GSK3B: variants seen among roughly 807,000 people sequenced by gnomAD.
The protein encoded by GSK3B is glycogen synthase kinase-3 beta.
Under a neutral mutation model 56.4 loss-of-function variants are expected in GSK3B, and 15 were observed. That is an observed-to-expected ratio of 0.27 (90% CI 0.18 to 0.41). GSK3B has a LOEUF of 0.41. Among genes scored for constraint, GSK3B ranks in the 10% least tolerant of loss-of-function variants. The pLI is 1.00. For missense variants in GSK3B, 300 were observed against 513.4 expected (o/e 0.58, Z 4.02); for synonymous variants, 181 against 188.9 (o/e 0.96, Z 0.34).
chr3:119,826,905 A>G (rs201249551), intron 10 of GSK3B, 50 bp from the exon 11 acceptor site: 25 of 1,107,562 alleles, frequency 2.3e-5, no homozygotes, highest in Non-Finnish European at 3.0e-5. Flanking sequence ...CTATAACAAC[A>G]AAAGAGAACA....
chr3:120,022,427 A>T (rs1190519801), intron 1 of GSK3B, among the ~76,000 whole-genome samples: 1 of 152,216 alleles, frequency 6.6e-6, no homozygotes, highest in East Asian at 1.9e-4. Context: ...CAATATTGTC[A>T]AGGTATGCAC....
chr3:120,045,872 A>G (rs1449700412), intron 1 of GSK3B, among the ~76,000 whole-genome samples: 1 of 152,248 alleles, frequency 6.6e-6, no homozygotes, highest in Non-Finnish European at 1.5e-5. Flanking sequence ...ATTGTGGTAT[A>G]TCCATACAAT....
intron 2 of GSK3B, among the ~76,000 whole-genome samples, chr3:119,953,153 G>A (rs142307992): frequency 0.017 from 2,578 of 152,170 alleles, 130 homozygotes; most frequent in Admixed American, 0.11. Flanking sequence ...GTGATAAATT[G>A]GAATGTAAAC....
chr3:119,948,677 G>A (rs190813509), intron 2 of GSK3B, among the ~76,000 whole-genome samples: 1 of 152,044 alleles, frequency 6.6e-6, no homozygotes, highest in Non-Finnish European at 1.5e-5. Flanking sequence ...AGCTATTTCT[G>A]GAAGTATTTC....
intron 8 of GSK3B, among the ~76,000 whole-genome samples, chr3:119,870,295 A>G (rs1056190758): frequency 6.6e-5 from 10 of 152,240 alleles, no homozygotes; most frequent in African/African-American, 2.2e-4. Context: ...ACTTGCTTCA[A>G]CTAAGCTTTT....
chr3:120,061,721 G>C (rs1265719962), intron 1 of GSK3B, among the ~76,000 whole-genome samples: 2 of 150,314 alleles, frequency 1.3e-5, no homozygotes, highest in African/African-American at 2.4e-5. Context: ...AAGAATATAT[G>C]AATTTATTTA....
intron 2 of GSK3B, among the ~76,000 whole-genome samples, chr3:119,990,657 G>A (rs1453990432): frequency 2.6e-5 from 4 of 152,150 alleles, no homozygotes; most frequent in African/African-American, 4.8e-5. Context: ...AGCCAAGCGC[G>A]GTGGCCCACA....
chr3:119,932,519 T>A (rs192775099), intron 3 of GSK3B, among the ~76,000 whole-genome samples: 1 of 151,456 alleles, frequency 6.6e-6, no homozygotes, highest in Non-Finnish European at 1.5e-5. Context: ...TTTTTTTTTT[T>A]AGAAAAATAA....
chr3:119,907,819 AT>A (rs2056698018), intron 6 of GSK3B, among the ~76,000 whole-genome samples: 1 of 152,278 alleles, frequency 6.6e-6, no homozygotes, highest in East Asian at 1.9e-4. Context: ...GCCTGGAATC[AT>A]TCTCAATTCC....
chr3:119,857,157 G>A (rs1036571712), intron 9 of GSK3B, among the ~76,000 whole-genome samples: 4 of 152,118 alleles, frequency 2.6e-5, no homozygotes, highest in Non-Finnish European at 4.4e-5. Context: ...CCTTTATGTC[G>A]ATGGCTGCTG....
intron 1 of GSK3B, among the ~76,000 whole-genome samples, chr3:120,061,278 C>T (rs892773124): frequency 6.6e-6 from 1 of 152,126 alleles, no homozygotes; most frequent in African/African-American, 2.4e-5. Flanking sequence ...TACATGTTTA[C>T]TGTAGAAAAA....
At chr3:119,833,678 A>G (rs886486825) in intron 10 of GSK3B, among the ~76,000 whole-genome samples, 1 of 150,338 alleles carries the variant, frequency 6.7e-6, no homozygotes, top group Non-Finnish European at 1.5e-5. Context: ...GTACACTTGG[A>G]AACATTAGGT....
chr3:119,891,951 C>T (rs1363841043), intron 7 of GSK3B, among the ~76,000 whole-genome samples: 2 of 152,112 alleles, frequency 1.3e-5, no homozygotes, highest in African/African-American at 4.8e-5. Flanking sequence ...CCTGGCCCTA[C>T]CTAGTTAGAA....
At chr3:119,844,557 C>T (rs963807782) in intron 9 of GSK3B, among the ~76,000 whole-genome samples, 22 of 152,094 alleles carry the variant, frequency 1.4e-4, no homozygotes, top group African/African-American at 3.1e-4. Flanking sequence ...AACAGCTCTA[C>T]GCAAATAAAC....
chr3:119,924,791 A>G (rs748582145), intron 3 of GSK3B, among the ~76,000 whole-genome samples: 1 of 152,230 alleles, frequency 6.6e-6, no homozygotes, highest in Non-Finnish European at 1.5e-5. Flanking sequence ...GAACAGAGCT[A>G]TGCCTATTCA....
intron 1 of GSK3B, among the ~76,000 whole-genome samples, chr3:120,037,518 G>A (rs1261840549): frequency 2.6e-5 from 4 of 152,116 alleles, no homozygotes; most frequent in African/African-American, 9.7e-5. Flanking sequence ...TATTAAGCAA[G>A]CCGGTAGTGT....
intron 10 of GSK3B, among the ~76,000 whole-genome samples, chr3:119,840,330 T>C (rs2055754155): frequency 6.6e-6 from 1 of 151,982 alleles, no homozygotes; most frequent in South Asian, 2.1e-4. Flanking sequence ...GTTCAAGCAA[T>C]TCTCTTGCCT....
At chr3:120,047,039 A>G (rs2058109606) in intron 1 of GSK3B, among the ~76,000 whole-genome samples, 1 of 152,234 alleles carries the variant, frequency 6.6e-6, no homozygotes, top group African/African-American at 2.4e-5. Flanking sequence ...CTTTCAGCTC[A>G]AAATTTATTT....
At chr3:119,892,630 C>T (rs2056515953) in intron 7 of GSK3B, among the ~76,000 whole-genome samples, 1 of 152,138 alleles carries the variant, frequency 6.6e-6, no homozygotes, top group Non-Finnish European at 1.5e-5. Flanking sequence ...TGCCCAGCAC[C>T]TAGTAAAAAC....
Sources: gnomAD v4.1 joint callset for allele counts (sites outside exome capture counted in the v4.1 genomes callset) on GRCh38, gnomAD v4.1.1 for gene constraint, MANE v1.5 for transcripts, NCBI Gene and HGNC (gene_info 2026-07-23, HGNC 2026-07-21) for gene names.